The following ADAMTS2 variants were observed in gnomAD, a reference collection of about 807,000 sequenced individuals.
ADAMTS2 encodes the protein ADAM metallopeptidase with thrombospondin type 1 motif 2, also known as A disintegrin and metalloproteinase with thrombospondin motifs 2.
ADAMTS2 carries 50 observed loss-of-function variants against 123.0 expected under a neutral mutation model. That is an observed-to-expected ratio of 0.41 (90% confidence interval 0.32 to 0.51). ADAMTS2 has a LOEUF of 0.51. ADAMTS2 is among the 20% of genes least tolerant of loss of function. ADAMTS2 has a pLI of 0.35. For missense variants in ADAMTS2, 1,494 were observed against 1,705.2 expected (o/e 0.88, Z 2.18); for synonymous variants, 678 against 695.4 (o/e 0.98, Z 0.39).
Position 179,189,099 on chromosome 5 carries a change from C to T in ADAMTS2, c.892-7944G>A, listed in dbSNP as rs1351216976. ...GGGCCAGTTACTTAACCTGTCTGGG[C>T]CTCAGTTTCTTTATCTATAAAATGG... On this transcript the variant is annotated intron_variant, in intron 4 of 21. Coordinates refer to ENST00000251582, the MANE Select transcript of ADAMTS2 (RefSeq NM_014244.5). The surrounding 1 kb of genome is among the most constrained non-coding windows in gnomAD (Gnocchi z 4.2). Among the ~76,000 whole-genome samples the T allele has an allele frequency of 6.6e-6, 1 of 152,170 alleles. No homozygotes were observed. Among genetic ancestry groups the T allele is most frequent in the Admixed American group, 6.5e-5 (1 of 15,276 alleles).
intron 3 of ADAMTS2, among the ~76,000 whole-genome samples, chr5:179,264,574 T>C (rs1434299600): frequency 1.3e-5 from 2 of 152,228 alleles, no homozygotes; most frequent in South Asian, 2.1e-4. Context: ...TGCCAGGGAC[T>C]GTTACCTTGT....
Position 179,341,714 on chromosome 5 carries a change from C to CA in ADAMTS2, c.534+2052dup, listed in dbSNP as rs36096225. On this transcript the variant is annotated intron_variant, in intron 2 of 21. Coordinates refer to ENST00000251582, the MANE Select transcript of ADAMTS2 (RefSeq NM_014244.5). ...TGGGTAATAGAGTGAGACTCCGTCT[C>CA]AAAAAAAAAAAAAAAAAAGAAAACA... Among the ~76,000 whole-genome samples, 267 of 65,038 alleles carry CA rather than the reference C, an allele frequency of 4.1e-3. 1 individual carries two copies. In the Middle Eastern group the frequency reaches 0.056, roughly 14 times the overall value. The allele number at this position is 65,038 out of a possible 152,430, so 42.7% of individuals were successfully genotyped here. A position where few individuals can be genotyped will look rare whatever the true frequency, so the allele number is the denominator to read the frequency against.
At chr5:179,295,338 G>A (rs1756298794) in intron 2 of ADAMTS2, among the ~76,000 whole-genome samples, 1 of 152,180 alleles carries the variant, frequency 6.6e-6, no homozygotes, top group Middle Eastern at 3.2e-3. Context: ...CTGGGTGAAG[G>A]GGGGCACCGA....
intron 2 of ADAMTS2, among the ~76,000 whole-genome samples, chr5:179,329,151 C>T (rs931332968): frequency 2.0e-5 from 3 of 147,982 alleles, no homozygotes; most frequent in African/African-American, 5.3e-5. Flanking sequence ...CACGGTGAAA[C>T]CCCGTCTCTA....
At chr5:179,259,963 G>A (rs1408272819) in intron 3 of ADAMTS2, among the ~76,000 whole-genome samples, 1 of 152,226 alleles carries the variant, frequency 6.6e-6, no homozygotes, top group Non-Finnish European at 1.5e-5. Context: ...AAATGGAAAC[G>A]CACAGTCCCT....
chr5:179,135,861 G>A, intron 13 of ADAMTS2, 48 bp downstream of exon 13: 3 of 1,611,262 alleles, frequency 1.9e-6, no homozygotes, highest in Non-Finnish European at 2.5e-6. Flanking sequence ...TACCCAGGAA[G>A]CTGAGACTTG....
chr5:179,221,496 A>AC lies in ADAMTS2; in HGVS notation c.689-13782dup, dbSNP rs998065740. On this transcript the variant is annotated intron_variant, in intron 3 of 21. Transcript: ENST00000251582. ...CAAGCACAGTCCATGTCTGACCAGG[A>AC]CCTGCTCAAGGAGCAGGAGTGACCG... Among the ~76,000 whole-genome samples the AC allele has an allele frequency of 9.3e-4, 141 of 152,222 alleles. 2 individuals carry two copies. Among genetic ancestry groups the AC allele is most frequent in the Non-Finnish European group, 2.4e-4 (16 of 68,006 alleles).
At chr5:179,208,206 G>GCCAGGTGCCAAAGGACTGGTGTC (rs1185270521) in intron 3 of ADAMTS2, among the ~76,000 whole-genome samples, 3 of 98,328 alleles carry the variant, frequency 3.1e-5, no homozygotes, top group African/African-American at 1.5e-4. Flanking sequence ...CCGAAGGGCT[G>GCCAGGTGCCAAAGGACTGGTGTC]CCAGGTGCCA....
chr5:179,114,730 G>T lies in ADAMTS2; in HGVS notation c.3179-406C>A, dbSNP rs1762628829. Among the ~76,000 whole-genome samples, 3 of 152,146 alleles carry T rather than the reference G, an allele frequency of 2.0e-5. No individual in the cohort carries two copies. In the South Asian group the frequency reaches 6.2e-4, roughly 31 times the overall value. The stretch of plus-strand genomic sequence containing the variant: ...GTGGTAACCCCAGTGAAATTCTGTG[G>T]CAAGGCTTGACTCTACAATAATCTC... On this transcript the variant is annotated intron_variant, in intron 21 of 21. Coordinates refer to ENST00000251582, the MANE Select transcript of ADAMTS2 (RefSeq NM_014244.5).
Position 179,111,154 on chromosome 5 carries a change from A to G in ADAMTS2, c.*2713T>C, listed in dbSNP as rs1229898160. On this transcript the variant is annotated 3_prime_UTR_variant, in exon 22 of 22. Transcript: ENST00000251582. ...GAAATTCCATGGGTTTTCCAAAAGG[A>G]GTAAATCAGAGAGCTGGGTTCCACA... 1 of 152,226 alleles carries G rather than the reference A, an allele frequency of 6.6e-6. No homozygotes were observed. Among genetic ancestry groups the G allele is most frequent in the Non-Finnish European group, 1.5e-5 (1 of 68,032 alleles). 9.4% of individuals were successfully genotyped at this position (152,226 alleles called of 1,614,324 possible). A position where few individuals can be genotyped will look rare whatever the true frequency, so the allele number is the denominator to read the frequency against.
chr5:179,252,005 TTTTC>T (rs1391511015), intron 3 of ADAMTS2, among the ~76,000 whole-genome samples: 2 of 149,996 alleles, frequency 1.3e-5, no homozygotes, highest in Admixed American at 1.3e-4. Context: ...TTTCTTTTTC[TTTTC>T]TTTTTTTTTT....
chr5:179,245,258 T>C (rs1339036490), intron 3 of ADAMTS2, among the ~76,000 whole-genome samples: 1 of 151,698 alleles, frequency 6.6e-6, no homozygotes, highest in Non-Finnish European at 1.5e-5. Context: ...CTCCAGAAAC[T>C]GGAAAGGGCA....
At chr5:179,284,202 G>A (rs375320784) in intron 2 of ADAMTS2, among the ~76,000 whole-genome samples, 5 of 149,604 alleles carry the variant, frequency 3.3e-5, no homozygotes, top group African/African-American at 7.3e-5. Context: ...GGTGGTACGC[G>A]CCTGTGGTCC....
intron 18 of ADAMTS2, 86 bp downstream of exon 18, chr5:179,125,912 C>T: frequency 6.4e-6 from 10 of 1,571,332 alleles, no homozygotes; most frequent in East Asian, 2.3e-5. Flanking sequence ...TGATGCCAGG[C>T]CCAGGCCCCA....
chr5:179,166,638 C>T (rs1763704470), intron 5 of ADAMTS2, among the ~76,000 whole-genome samples: 1 of 152,212 alleles, frequency 6.6e-6, no homozygotes, highest in Non-Finnish European at 1.5e-5. Context: ...CAGCCCCATC[C>T]TGGCCGCGGG....
At chr5:179,148,334 G>C (rs554768167) in intron 10 of ADAMTS2, among the ~76,000 whole-genome samples, 64 of 152,266 alleles carry the variant, frequency 4.2e-4, no homozygotes, top group African/African-American at 1.4e-3. Context: ...CATGTGGGCT[G>C]CTCATGGCTC....
chr5:179,206,863 C>A (rs1388563824), intron 4 of ADAMTS2, among the ~76,000 whole-genome samples: 2 of 152,162 alleles, frequency 1.3e-5, no homozygotes, highest in South Asian at 2.1e-4. Flanking sequence ...GTTAGGCAGA[C>A]CATGGGCAGG....
At chr5:179,292,336 A>ACT (rs1756213128) in intron 2 of ADAMTS2, among the ~76,000 whole-genome samples, 1 of 148,994 alleles carries the variant, frequency 6.7e-6, no homozygotes, top group Non-Finnish European at 1.5e-5. Flanking sequence ...CTTTGCTATT[A>ACT]CCCCCCAGCT....
rs1426794737 is a variant in ADAMTS2, at chr5:179,130,800, T to C, written c.2291-702A>G. On this transcript the variant is annotated intron_variant, in intron 15 of 21. Transcript: ENST00000251582. This position sits in a 1 kb window ranked among gnomAD's most constrained non-coding sequence, Gnocchi z 4.3. ...TCATTCCCTGTCACGTCCCCTGTAA[T>C]TCTGTCCACTCACAAACAAAGCCTC... Among the ~76,000 whole-genome samples, 1 of 152,086 alleles carries C rather than the reference T, an allele frequency of 6.6e-6. No individual in the cohort carries two copies. Among genetic ancestry groups the C allele is most frequent in the East Asian group, 1.9e-4 (1 of 5,170 alleles).
Sources: gnomAD v4.1 joint callset for allele counts (sites outside exome capture counted in the v4.1 genomes callset) on GRCh38, gnomAD v4.1.1 for gene constraint, Gnocchi (gnomAD v3.1) non-coding constraint, MANE v1.5 for transcripts, NCBI Gene and HGNC (gene_info 2026-07-23, HGNC 2026-07-21) for gene names.